The following MICU2 variants were observed in gnomAD, a reference collection of about 807,000 sequenced individuals.
MICU2 encodes calcium uptake protein 2, mitochondrial.
A neutral mutation model predicts 60.4 loss-of-function variants in MICU2; 64 were observed. The observed-to-expected ratio is 1.06, with a 90% CI of 0.87 to 1.31. The LOEUF is 1.31. Ranked by LOEUF, MICU2 falls within the 50% of genes most tolerant of loss-of-function variation. The pLI, the probability that MICU2 is intolerant of heterozygous loss-of-function variation, is 0.00. For synonymous variants in MICU2, 201 were observed against 175.0 expected (o/e 1.15, Z -1.17); for missense variants, 569 against 531.0 (o/e 1.07, Z -0.70).
intron 9 of MICU2, among the ~76,000 whole-genome samples, chr13:21,499,778 G>C (rs1450211985): frequency 6.6e-6 from 1 of 151,470 alleles, no homozygotes; most frequent in African/African-American, 2.4e-5. Flanking sequence ...TATCTTCGAG[G>C]ATTTCACACC....
intron 8 of MICU2, among the ~76,000 whole-genome samples, chr13:21,508,327 A>G (rs1285454167): frequency 2.0e-5 from 3 of 151,878 alleles, no homozygotes; most frequent in Non-Finnish European, 4.4e-5. Flanking sequence ...GGGTTTCACC[A>G]TGTTAGCCAG....
chr13:21,568,294 C>T (rs1255414926), intron 1 of MICU2, among the ~76,000 whole-genome samples: 2 of 152,304 alleles, frequency 1.3e-5, no homozygotes, highest in East Asian at 3.9e-4. Flanking sequence ...AATTAGACAA[C>T]AGGCTTCCTT....
At chr13:21,552,508 C>T (rs1467264469) in intron 2 of MICU2, among the ~76,000 whole-genome samples, 7 of 152,132 alleles carry the variant, frequency 4.6e-5, no homozygotes, top group Non-Finnish European at 8.8e-5. Flanking sequence ...CTTGCCCATG[C>T]CTATGTCCTG....
intron 1 of MICU2, among the ~76,000 whole-genome samples, chr13:21,602,996 TTCGC>T (rs1888860925): frequency 6.6e-6 from 1 of 151,560 alleles, no homozygotes; most frequent in Admixed American, 6.6e-5. Context: ...GAGACGGAGT[TTCGC>T]TCTTGTAGCT....
At chr13:21,501,464 G>T (rs111515416) in intron 9 of MICU2, among the ~76,000 whole-genome samples, 1 of 152,048 alleles carries the variant, frequency 6.6e-6, no homozygotes. Flanking sequence ...TGGTTTCACC[G>T]TGTTAACCAG....
chr13:21,603,839 G>A (rs76346127), intron 1 of MICU2, 100 bp downstream of exon 1: 6 of 1,331,164 alleles, frequency 4.5e-6, no homozygotes, highest in African/African-American at 3.0e-5. Flanking sequence ...CTCCACCCAC[G>A]GCTCCGGGAG....
intron 6 of MICU2, among the ~76,000 whole-genome samples, chr13:21,515,175 G>A (rs187825603): frequency 0.012 from 1,875 of 150,432 alleles, 15 homozygotes; most frequent in Non-Finnish European, 0.019. Flanking sequence ...TCCGCCTCCC[G>A]GGTTCACGCC....
At chr13:21,524,703 C>T (rs911952456) in intron 4 of MICU2, among the ~76,000 whole-genome samples, 1 of 152,140 alleles carries the variant, frequency 6.6e-6, no homozygotes, top group African/African-American at 2.4e-5. Flanking sequence ...TGTTGTACAA[C>T]CGTCATTAGA....
intron 2 of MICU2, chr13:21,551,541 C>T (rs1887564917): frequency 6.6e-6 from 1 of 150,804 alleles, no homozygotes; most frequent in Non-Finnish European, 1.5e-5. Context: ...CACCCATTAA[C>T]TCGTCATTTA....
chr13:21,504,603 T>C (rs1160654128), intron 8 of MICU2, among the ~76,000 whole-genome samples: 2 of 152,234 alleles, frequency 1.3e-5, no homozygotes, highest in Non-Finnish European at 2.9e-5. Flanking sequence ...AACATGCATA[T>C]ATGAATTGGA....
rs909527531 is a variant in MICU2 at position 21,496,250 on chromosome 13, G to C, written c.934-90C>G. The C allele has an allele frequency of 8.8e-6, 8 of 909,342 alleles. No homozygotes were observed. In the South Asian group the frequency reaches 1.3e-4, roughly 15 times the overall value. The allele number at this position is 909,342 out of a possible 1,614,324, so 56.3% of individuals were successfully genotyped here. A position where few individuals can be genotyped will look rare whatever the true frequency, so the allele number is the denominator to read the frequency against. On this transcript the variant is annotated intron_variant, in intron 9 of 11. Transcript: ENST00000382374. ...TATGAACTTTCTTTTCTACCGTAGA[G>C]ACTAGTATCATTCTAAGAGGAAGAG...
chr13:21,601,715 T>C (rs1888819489), intron 1 of MICU2, among the ~76,000 whole-genome samples: 2 of 152,046 alleles, frequency 1.3e-5, no homozygotes, highest in African/African-American at 2.4e-5. Flanking sequence ...TTAAGTCTTG[T>C]TCTAGGGATA....
chr13:21,603,213 C>T (rs995962876), intron 1 of MICU2, among the ~76,000 whole-genome samples: 1 of 152,162 alleles, frequency 6.6e-6, no homozygotes, highest in Non-Finnish European at 1.5e-5. Flanking sequence ...CTCAGGAGAT[C>T]CACCCGCCTC....
At chr13:21,513,125 G>C (rs1886473589) in intron 7 of MICU2, among the ~76,000 whole-genome samples, 1 of 151,678 alleles carries the variant, frequency 6.6e-6, no homozygotes, top group Non-Finnish European at 1.5e-5. Flanking sequence ...GCTTTGTTTT[G>C]TTTTGTGATT....
intron 2 of MICU2, among the ~76,000 whole-genome samples, chr13:21,558,175 G>A (rs1231153096): frequency 6.6e-6 from 1 of 152,160 alleles, no homozygotes; most frequent in Non-Finnish European, 1.5e-5. Flanking sequence ...TTATTTTAAT[G>A]AAGACTATCG....
intron 6 of MICU2, among the ~76,000 whole-genome samples, chr13:21,518,124 G>C (rs546774720): frequency 1.3e-5 from 2 of 152,186 alleles, no homozygotes; most frequent in South Asian, 4.1e-4. Flanking sequence ...AACATTTATG[G>C]AGATATCTGT....
At chr13:21,502,710 A>G in intron 9 of MICU2, 1 of 450,298 alleles carries the variant, frequency 2.2e-6, no homozygotes, top group Non-Finnish European at 3.9e-6. Context: ...CTTATTCTTG[A>G]CTTTACTGGA....
intron 7 of MICU2, 76 bp downstream of exon 7, chr13:21,514,277 C>A: frequency 8.1e-7 from 1 of 1,228,116 alleles, no homozygotes; most frequent in Non-Finnish European, 1.2e-6. Flanking sequence ...CTATTGGTAA[C>A]TATCGGGAAT....
chr13:21,520,295 C>T (rs1233117772), intron 6 of MICU2, among the ~76,000 whole-genome samples: 1 of 152,104 alleles, frequency 6.6e-6, no homozygotes, highest in Non-Finnish European at 1.5e-5. Flanking sequence ...AATATGTTTT[C>T]CTTGACTAAG....
Sources: allele counts gnomAD v4.1 joint callset (sites outside exome capture counted in the v4.1 genomes callset), GRCh38; gene constraint gnomAD v4.1.1; transcripts MANE v1.5; gene names NCBI Gene and HGNC (gene_info 2026-07-23, HGNC 2026-07-21).